The following TIMP2 variants were observed in gnomAD, a reference collection of about 807,000 sequenced individuals.
TIMP2 encodes TIMP metallopeptidase inhibitor 2.
In TIMP2, 5 loss-of-function variants were observed where a neutral mutation model predicts 24.3. The observed-to-expected ratio is 0.21, with a 90% CI of 0.11 to 0.43. The LOEUF (loss-of-function observed/expected upper bound fraction) is 0.43. Ranked by LOEUF, TIMP2 falls within the 20% of genes least tolerant of loss-of-function variation. The pLI, the probability that TIMP2 is intolerant of heterozygous loss-of-function variation, is 1.00. For missense variants in TIMP2, 221 were observed against 297.5 expected (o/e 0.74, Z 1.89); for synonymous variants, 130 against 123.2 (o/e 1.06, Z -0.37).
rs2069520871 is a variant in TIMP2 at position 78,855,825 on chromosome 17, G to C, written c.505C>G (p.Pro169Ala). 6.2e-7 allele frequency: 1 copy of C among 1,614,046 alleles called. No homozygotes were observed. Among genetic ancestry groups the C allele is most frequent in the Admixed American group, 1.7e-5 (1 of 60,006 alleles). Residue 169 changes from proline to alanine, a missense_variant, in exon 5 of 5, where the codon CCG (proline) becomes GCG (alanine). Coordinates refer to ENST00000262768, the MANE Select transcript of TIMP2 (RefSeq NM_003255.5). This position sits in a 1 kb window ranked among gnomAD's most constrained non-coding sequence, Gnocchi z 6.0. ...CPMIPCYISS[P>A]DECLWMDWVT... ...CAGTCCATCCAGAGGCACTCGTCCG[G>C]GGAGGAGATGTAGCACGGGATCATG...
chr17:78,893,738 C>T (rs912718376), intron 1 of TIMP2, among the ~76,000 whole-genome samples: 2 of 152,052 alleles, frequency 1.3e-5, no homozygotes, highest in African/African-American at 4.8e-5. Context: ...GGTGTTAGCT[C>T]TCTCTTCATG....
chr17:78,900,634 C>T (rs887064817), intron 1 of TIMP2, among the ~76,000 whole-genome samples: 2 of 152,150 alleles, frequency 1.3e-5, no homozygotes. Context: ...TGAGCTTTCA[C>T]ACCTGACCTT....
At chr17:78,890,593 G>C (rs2069872081) in intron 1 of TIMP2, 1 of 1,518,938 alleles carries the variant, frequency 6.6e-7, no homozygotes, top group South Asian at 1.2e-5. Context: ...AGTGCTGGCA[G>C]CACCATTATC....
intron 1 of TIMP2, among the ~76,000 whole-genome samples, chr17:78,893,343 G>A: frequency 6.7e-6 from 1 of 148,276 alleles, no homozygotes; most frequent in Admixed American, 6.7e-5. Context: ...ATGCATGTGT[G>A]TGCAGGGGTG....
rs1567989752 is a variant in TIMP2 at position 78,855,514 on chromosome 17, A to G, written c.*153T>C. ...TCCCTCCAGACCCACAACCATGTCT[A>G]AAAGGAGAAGGGGGGAGCAGAATCA... On this transcript the variant is annotated 3_prime_UTR_variant, in exon 5 of 5. Transcript: ENST00000262768. The surrounding 1 kb of genome is among the most constrained non-coding windows in gnomAD (Gnocchi z 6.0). 3.2e-6 allele frequency: 3 copies of G among 927,906 alleles called. No individual in the cohort carries two copies. Among genetic ancestry groups the G allele is most frequent in the African/African-American group, 1.7e-5 (1 of 60,316 alleles). The allele number at this position is 927,906 out of a possible 1,614,324, so 57.5% of individuals were successfully genotyped here. A position where few individuals can be genotyped will look rare whatever the true frequency, so the allele number is the denominator to read the frequency against.
intron 3 of TIMP2, among the ~76,000 whole-genome samples, chr17:78,861,993 C>T (rs574164127): frequency 5.9e-5 from 9 of 152,254 alleles, no homozygotes; most frequent in Admixed American, 1.3e-4. Context: ...GCATCTGCAG[C>T]GATGTTCTAC....
intron 3 of TIMP2, among the ~76,000 whole-genome samples, chr17:78,868,438 A>G (rs927710857): frequency 2.0e-5 from 3 of 152,100 alleles, no homozygotes; most frequent in Non-Finnish European, 2.9e-5. Context: ...TTTAGTACAG[A>G]CAGGGTTTTA....
At chr17:78,860,969 G>A (rs1236960591) in intron 3 of TIMP2, among the ~76,000 whole-genome samples, 1 of 149,530 alleles carries the variant, frequency 6.7e-6, no homozygotes, top group African/African-American at 2.5e-5. Context: ...CCGGGAGGTG[G>A]AAGTTACAAA....
At chr17:78,890,288 G>A (rs1039747982) in intron 1 of TIMP2, among the ~76,000 whole-genome samples, 12 of 146,822 alleles carry the variant, frequency 8.2e-5, no homozygotes, top group Admixed American at 4.2e-4. Flanking sequence ...TGCAACCTCC[G>A]CCTCCCAGGT....
At chr17:78,884,337 T>C (rs1217457152) in intron 1 of TIMP2, among the ~76,000 whole-genome samples, 3 of 152,220 alleles carry the variant, frequency 2.0e-5, no homozygotes, top group African/African-American at 7.2e-5. Flanking sequence ...CGATCCATTT[T>C]TGGGGACGAA....
intron 1 of TIMP2, among the ~76,000 whole-genome samples, chr17:78,888,788 A>G (rs2069849987): frequency 1.3e-5 from 2 of 152,188 alleles, no homozygotes; most frequent in South Asian, 2.1e-4. Context: ...AAAGGGAGGT[A>G]GCGCACAGGT....
chr17:78,896,026 C>G lies in TIMP2; in HGVS notation c.131-22107G>C, dbSNP rs934829694. 1.3e-5 allele frequency among the ~76,000 whole-genome samples: 2 copies of G among 152,240 alleles called. No homozygotes were observed. The highest frequency in any genetic ancestry group is 4.8e-5 in the African/African-American group (2 of 41,464). ...AGCAGCGTCAGTTTTCCTGGAGACA[C>G]GCAAACGGGTAAAAACTTAACACAT... On this transcript the variant is annotated intron_variant, in intron 1 of 4. Coordinates refer to ENST00000262768, the MANE Select transcript of TIMP2 (RefSeq NM_003255.5). The surrounding 1 kb of genome is among the most constrained non-coding windows in gnomAD (Gnocchi z 4.4).
At chr17:78,906,673 C>T (rs565885345) in intron 1 of TIMP2, among the ~76,000 whole-genome samples, 6 of 152,180 alleles carry the variant, frequency 3.9e-5, no homozygotes, top group Non-Finnish European at 8.8e-5. Flanking sequence ...ACCTCCATCT[C>T]CCGGGTTCAC....
At position 78,891,940 on chromosome 17, in the gene TIMP2, G is replaced by T; in HGVS notation, c.131-18021C>A. 4 of 1,550,584 alleles carry T rather than the reference G, an allele frequency of 2.6e-6. No homozygotes were observed. Among genetic ancestry groups the T allele is most frequent in the Non-Finnish European group, 3.5e-6 (4 of 1,147,012 alleles). The stretch of plus-strand genomic sequence containing the variant: ...TCTTCCGGGGCCTGGAGTGCCTGGG[G>T]TGTTGCTGGCCCAACTCTTCCCTGC... On this transcript the variant is annotated intron_variant, in intron 1 of 4. Coordinates refer to ENST00000262768, the MANE Select transcript of TIMP2 (RefSeq NM_003255.5). This position sits in a 1 kb window ranked among gnomAD's most constrained non-coding sequence, Gnocchi z 4.5.
At chr17:78,867,669 C>T (rs2069629871) in intron 3 of TIMP2, among the ~76,000 whole-genome samples, 1 of 150,318 alleles carries the variant, frequency 6.7e-6, no homozygotes, top group Non-Finnish European at 1.5e-5. Flanking sequence ...GATCTCGGCT[C>T]ACTACAAGTT....
intron 1 of TIMP2, among the ~76,000 whole-genome samples, chr17:78,905,729 T>G (rs2070152770): frequency 6.6e-6 from 1 of 152,272 alleles, no homozygotes; most frequent in Non-Finnish European, 1.5e-5. Context: ...ATCCTCTGGA[T>G]TAATCCGCCC....
At chr17:78,873,625 A>G (rs1284213592) in intron 2 of TIMP2, among the ~76,000 whole-genome samples, 194 bp downstream of exon 2, 1 of 152,160 alleles carries the variant, frequency 6.6e-6, no homozygotes, top group African/African-American at 2.4e-5. Flanking sequence ...TGTGGGGAGC[A>G]TGTCATCTCC....
rs1334896727 is a variant in TIMP2 at position 78,896,406 on chromosome 17, C to T, written c.131-22487G>A. 2.0e-5 allele frequency among the ~76,000 whole-genome samples: 3 copies of T among 152,212 alleles called. No individual in the cohort carries two copies. The highest frequency in any genetic ancestry group is 2.9e-5 in the Non-Finnish European group (2 of 68,046). On this transcript the variant is annotated intron_variant, in intron 1 of 4. Coordinates refer to ENST00000262768, the MANE Select transcript of TIMP2 (RefSeq NM_003255.5). This position sits in a 1 kb window ranked among gnomAD's most constrained non-coding sequence, Gnocchi z 4.4. ...TCTCCAGCCCTGCCAGACAGGACGT[C>T]GGGTGCCCTTGGCAGGACACTTGCC...
At position 78,924,454 on chromosome 17, in the gene TIMP2, C is replaced by A. The variant is rs2070333383; in HGVS notation, c.130+505G>T. 6.6e-6 allele frequency among the ~76,000 whole-genome samples: 1 copy of A among 152,234 alleles called. No individual in the cohort carries two copies. Among genetic ancestry groups the A allele is most frequent in the East Asian group, 1.9e-4 (1 of 5,180 alleles). On this transcript the variant is annotated intron_variant, in intron 1 of 4. Transcript: ENST00000262768. The surrounding 1 kb of genome is among the most constrained non-coding windows in gnomAD (Gnocchi z 5.3). ...CGGGTAGGGCGGGCTTCCATCCCAC[C>A]CTGGCTTGATCGGGGAGCCCCCAAA...
Sources: gnomAD v4.1 joint callset for allele counts (sites outside exome capture counted in the v4.1 genomes callset) on GRCh38, gnomAD v4.1.1 for gene constraint, Gnocchi (gnomAD v3.1) non-coding constraint, MANE v1.5 for transcripts, NCBI Gene and HGNC (gene_info 2026-07-23, HGNC 2026-07-21) for gene names.